GALNT17: variants seen among roughly 807,000 people sequenced by gnomAD.
The protein encoded by GALNT17 is UDP-GalNAc:polypeptide N-acetylgalactosaminyltransferase-like 3.
In GALNT17, 29 loss-of-function variants were observed where a neutral mutation model predicts 63.7. That is an observed-to-expected ratio of 0.46 (90% CI 0.34 to 0.62). GALNT17 has a LOEUF of 0.62. Among genes scored for constraint, GALNT17 ranks in the 20% least tolerant of loss-of-function variants. The pLI is 0.01. For missense variants in GALNT17, 603 were observed against 799.6 expected (o/e 0.75, Z 2.97); for synonymous variants, 305 against 318.3 (o/e 0.96, Z 0.45).
intron 5 of GALNT17, among the ~76,000 whole-genome samples, chr7:71,533,631 G>A (rs1438733516): frequency 6.6e-6 from 1 of 152,166 alleles, no homozygotes; most frequent in African/African-American, 2.4e-5. Flanking sequence ...ATTCCCAAAG[G>A]TCTCTAAGGT....
At chr7:71,683,112 CA>C (rs1403407066) in intron 9 of GALNT17, among the ~76,000 whole-genome samples, 2 of 152,150 alleles carry the variant, frequency 1.3e-5, no homozygotes, top group African/African-American at 4.8e-5. Flanking sequence ...TTTAGAACGG[CA>C]AACCGGATTA....
At chr7:71,189,670 G>A (rs1393083613) in intron 1 of GALNT17, among the ~76,000 whole-genome samples, 2 of 152,134 alleles carry the variant, frequency 1.3e-5, no homozygotes, top group Admixed American at 6.6e-5. Flanking sequence ...GGCTGTCTTC[G>A]GTGGAGGTTT....
intron 2 of GALNT17, among the ~76,000 whole-genome samples, chr7:71,372,211 C>T (rs1792636972): frequency 6.6e-6 from 1 of 152,126 alleles, no homozygotes; most frequent in Non-Finnish European, 1.5e-5. Context: ...CAGGCCCAGG[C>T]CCGAGTGCAG....
chr7:71,480,155 CTTTTTTTTTTTTT>C (rs67257902), intron 5 of GALNT17, among the ~76,000 whole-genome samples: 3 of 65,328 alleles, frequency 4.6e-5, no homozygotes, highest in African/African-American at 1.8e-4. Context: ...TTTTTGGAGT[CTTTTTTTTTTTTT>C]TTTTTTTTTT....
At chr7:71,610,920 A>G (rs1371537647) in intron 6 of GALNT17, among the ~76,000 whole-genome samples, 4 of 146,084 alleles carry the variant, frequency 2.7e-5, no homozygotes, top group Non-Finnish European at 4.5e-5. Flanking sequence ...TGGAAGGCGG[A>G]GGTTGCAGTG....
intron 1 of GALNT17, among the ~76,000 whole-genome samples, chr7:71,183,504 A>G (rs1186654276): frequency 6.6e-6 from 1 of 152,160 alleles, no homozygotes; most frequent in Non-Finnish European, 1.5e-5. Flanking sequence ...TGGTTCCCCC[A>G]GGTAAGAGTT....
intron 6 of GALNT17, among the ~76,000 whole-genome samples, chr7:71,653,946 C>A (rs1790790458): frequency 6.6e-6 from 1 of 152,156 alleles, no homozygotes; most frequent in Admixed American, 6.5e-5. Context: ...TACCTGCCAG[C>A]AAATCCCTTG....
chr7:71,335,604 G>C lies in GALNT17; in HGVS notation c.293G>C (p.Gly98Ala), dbSNP rs1791885498. 1 of 1,612,576 alleles carries C rather than the reference G, an allele frequency of 6.2e-7. No individual in the cohort carries two copies. Reference protein sequence around the residue: ...IEGYGGRGKGGLPATLSPAEE... With the variant: ...IEGYGGRGKGALPATLSPAEE... ...GGTTATGGTGGGCGGGGTAAAGGGG[G>C]CCTTCCGGCTACTCTTTCCCCGGCT... is the stretch of plus-strand genomic sequence containing the variant. The change falls in exon 2 of 11, where the codon GGC becomes GCC. Residue 98 changes from glycine to alanine, a missense_variant. Gly to Ala is a moderately conservative substitution (Grantham distance 60). Coordinates refer to ENST00000333538, the MANE Select transcript of GALNT17 (RefSeq NM_022479.3).
intron 5 of GALNT17, among the ~76,000 whole-genome samples, chr7:71,493,049 A>G (rs1409029001): frequency 6.6e-6 from 1 of 152,256 alleles, no homozygotes; most frequent in Admixed American, 6.5e-5. Context: ...TTCAGAATAA[A>G]TAGTTTTGAT....
intron 6 of GALNT17, among the ~76,000 whole-genome samples, chr7:71,596,438 A>G (rs192048900): frequency 6.6e-6 from 1 of 152,160 alleles, no homozygotes; most frequent in African/African-American, 2.4e-5. Context: ...GAGTTAAAGG[A>G]TTATCGATAA....
chr7:71,284,297 A>ATGCCTCTCTGC (rs1790832768), intron 1 of GALNT17: 1 of 154,152 alleles, frequency 6.5e-6, no homozygotes, highest in Non-Finnish European at 1.4e-5. Flanking sequence ...CTTGGGTTCA[A>ATGCCTCTCTGC]ACGATTCTCC....
At chr7:71,429,995 C>T (rs1786831590) in intron 5 of GALNT17, among the ~76,000 whole-genome samples, 1 of 152,068 alleles carries the variant, frequency 6.6e-6, no homozygotes, top group African/African-American at 2.4e-5. Context: ...ACGTGAGCCA[C>T]CGTGCCTGGC....
intron 9 of GALNT17, among the ~76,000 whole-genome samples, chr7:71,681,901 TTTTTGTTTTTG>T (rs1791271573): frequency 6.6e-6 from 1 of 151,750 alleles, no homozygotes; most frequent in Non-Finnish European, 1.5e-5. Context: ...GAAGGTTTTG[TTTTTGTTTTTG>T]TTTTGTTTTT....
chr7:71,270,812 C>G (rs546594482), intron 1 of GALNT17, among the ~76,000 whole-genome samples: 226 of 151,790 alleles, frequency 1.5e-3, no homozygotes, highest in Non-Finnish European at 2.8e-3. Flanking sequence ...CTGTTCATTT[C>G]CCTCCCACAG....
intron 1 of GALNT17, among the ~76,000 whole-genome samples, chr7:71,223,579 G>A (rs1264544862): frequency 6.6e-6 from 1 of 151,842 alleles, no homozygotes; most frequent in East Asian, 1.9e-4. Context: ...TTTAGGTTCA[G>A]GGGTACATGT....
intron 1 of GALNT17, among the ~76,000 whole-genome samples, chr7:71,228,099 C>T (rs1789714705): frequency 6.6e-6 from 1 of 152,104 alleles, no homozygotes; most frequent in Non-Finnish European, 1.5e-5. Context: ...TGAGGAGGGA[C>T]TTGCTTGGTG....
At chr7:71,334,286 T>G (rs1340867493) in intron 1 of GALNT17, among the ~76,000 whole-genome samples, 4 of 152,194 alleles carry the variant, frequency 2.6e-5, no homozygotes, top group Admixed American at 6.5e-5. Context: ...GGAGCAGGTT[T>G]CCTGGCTCTT....
chr7:71,712,235 C>A lies in GALNT17; in HGVS notation c.*89C>A. 6.5e-7 allele frequency: 1 copy of A among 1,533,974 alleles called. No individual in the cohort carries two copies. On this transcript the variant is annotated 3_prime_UTR_variant, in exon 11 of 11. Coordinates refer to ENST00000333538, the MANE Select transcript of GALNT17 (RefSeq NM_022479.3). ...ACCAGCTGCCCTGGCGGAGAGACAG[C>A]AAGGGGCCGGCAGGTGCTCGATGGG...
At chr7:71,447,723 TG>T (rs1341338064) in intron 5 of GALNT17, among the ~76,000 whole-genome samples, 1 of 152,254 alleles carries the variant, frequency 6.6e-6, no homozygotes, top group African/African-American at 2.4e-5. Context: ...CACAGCTTTT[TG>T]TTTTTCCTGT....
Sources: gnomAD v4.1 joint callset for allele counts (sites outside exome capture counted in the v4.1 genomes callset) on GRCh38, gnomAD v4.1.1 for gene constraint, MANE v1.5 for transcripts, NCBI Gene and HGNC (gene_info 2026-07-23, HGNC 2026-07-21) for gene names.